PTPRD: variants seen among roughly 807,000 people sequenced by gnomAD.
The protein encoded by PTPRD is receptor-type tyrosine-protein phosphatase delta.
In PTPRD, 34 loss-of-function variants were observed where a neutral mutation model predicts 214.5. That is an observed-to-expected ratio of 0.16 (90% CI 0.12 to 0.21). PTPRD has a LOEUF of 0.21. Ranked by LOEUF, PTPRD falls within the 10% of genes least tolerant of loss-of-function variation. PTPRD has a pLI of 1.00. For missense variants in PTPRD, 2,545 were observed against 2,398.7 expected (o/e 1.06, Z -1.27); for synonymous variants, 1,128 against 845.7 (o/e 1.33, Z -5.79).
intron 36 of PTPRD, among the ~76,000 whole-genome samples, chr9:8,392,102 G>A (rs888146791): frequency 3.9e-5 from 6 of 152,022 alleles, no homozygotes; most frequent in Admixed American, 2.6e-4. Flanking sequence ...TTTAGGAATT[G>A]GGCAAAGTGT....
At chr9:10,066,014 G>T (rs1273130014) in intron 3 of PTPRD, among the ~76,000 whole-genome samples, 1 of 151,872 alleles carries the variant, frequency 6.6e-6, no homozygotes, top group African/African-American at 2.4e-5. Flanking sequence ...CAAATGTTCA[G>T]ATTATTTGAT....
At chr9:10,316,789 T>C (rs2096446017) in intron 3 of PTPRD, among the ~76,000 whole-genome samples, 2 of 152,060 alleles carry the variant, frequency 1.3e-5, no homozygotes, top group Non-Finnish European at 2.9e-5. Flanking sequence ...GATTTTAGCA[T>C]TGCAGCCAGA....
intron 10 of PTPRD, among the ~76,000 whole-genome samples, chr9:9,116,711 AT>A (rs140942739): frequency 0.031 from 4,700 of 152,086 alleles, 187 homozygotes; most frequent in African/African-American, 0.094. Context: ...AGAGATGGTT[AT>A]TTTCAAGCAA....
chr9:8,781,972 CT>C (rs553367928), intron 11 of PTPRD, among the ~76,000 whole-genome samples: 6,417 of 144,704 alleles, frequency 0.044, 304 homozygotes, highest in African/African-American at 0.11. Context: ...TCCTCAATTT[CT>C]TTTTTTTTTT....
intron 10 of PTPRD, among the ~76,000 whole-genome samples, chr9:9,141,265 A>G (rs2099859986): frequency 7.4e-6 from 1 of 135,760 alleles, no homozygotes. Flanking sequence ...GGGGAAGACT[A>G]TTCCCCTGAG....
intron 2 of PTPRD, among the ~76,000 whole-genome samples, chr9:10,412,291 T>C (rs879154790): frequency 1.3e-5 from 2 of 151,772 alleles, no homozygotes; most frequent in Admixed American, 6.6e-5. Flanking sequence ...AACATCTCTA[T>C]GCACACAAAA....
chr9:9,456,416 A>G (rs1001333308), intron 8 of PTPRD, among the ~76,000 whole-genome samples: 3 of 151,856 alleles, frequency 2.0e-5, no homozygotes, highest in Non-Finnish European at 4.4e-5. Context: ...ATTCCTCCCA[A>G]TAAGTTGGTA....
intron 14 of PTPRD, among the ~76,000 whole-genome samples, chr9:8,533,671 G>A (rs2076251048): frequency 6.6e-6 from 1 of 151,916 alleles, no homozygotes; most frequent in Admixed American, 6.6e-5. Context: ...CCCAAATAGT[G>A]TTATCAATAA....
Position 8,486,353 on chromosome 9 carries a change from G to A in PTPRD, c.2468-4C>T, listed in dbSNP as rs2097009337. ...ACAAGCCGAGGTTTCCCTGGAACTG[G>A]AGCACATGGGATGGAGTGGTAAGAC... is the stretch of plus-strand genomic sequence containing the variant. On this transcript the variant is annotated splice_region_variant and splice_polypyrimidine_tract_variant and intron_variant, in intron 27 of 45. Coordinates refer to ENST00000381196, the MANE Select transcript of PTPRD (RefSeq NM_002839.4). The A allele has an allele frequency of 6.2e-7, 1 of 1,612,984 alleles. No individual in the cohort carries two copies. Among genetic ancestry groups the A allele is most frequent in the Non-Finnish European group, 8.5e-7 (1 of 1,179,008 alleles).
At chr9:9,947,649 T>C (rs2092962617) in intron 4 of PTPRD, among the ~76,000 whole-genome samples, 1 of 101,980 alleles carries the variant, frequency 9.8e-6, no homozygotes, top group Non-Finnish European at 1.9e-5. Flanking sequence ...TATATATATA[T>C]ATACACCATG....
chr9:10,162,365 T>C (rs867974883), intron 3 of PTPRD, among the ~76,000 whole-genome samples: 2 of 151,308 alleles, frequency 1.3e-5, no homozygotes, highest in African/African-American at 4.8e-5. Flanking sequence ...TATTCAGCCA[T>C]AAAAAGAACA....
chr9:10,223,808 T>C lies in PTPRD; in HGVS notation c.-545+117155A>G, dbSNP rs543786131. Reference sequence around the variant, plus strand: ...GAAAATTGTAATTTATTTCTAATAATAGCTTCCATATACACAAAACATGCT... The same window carrying C: ...GAAAATTGTAATTTATTTCTAATAACAGCTTCCATATACACAAAACATGCT... On this transcript the variant is annotated intron_variant, in intron 3 of 45. Transcript: ENST00000381196. Among the ~76,000 whole-genome samples, 4 of 151,236 alleles carry C rather than the reference T, an allele frequency of 2.6e-5. No individual in the cohort carries two copies. The East Asian group carries it at 7.8e-4, about 29-fold the overall frequency.
At chr9:9,441,101 T>G (rs759279765) in intron 8 of PTPRD, among the ~76,000 whole-genome samples, 10 of 152,310 alleles carry the variant, frequency 6.6e-5, no homozygotes, top group Non-Finnish European at 1.2e-4. Context: ...ATGGTTCATC[T>G]TACCTTGGAA....
chr9:10,208,133 G>T (rs758822809), intron 3 of PTPRD, among the ~76,000 whole-genome samples: 3 of 152,182 alleles, frequency 2.0e-5, no homozygotes, highest in Non-Finnish European at 4.4e-5. Context: ...GGACTTTGCT[G>T]TTAAAGTCTT....
At position 10,220,059 on chromosome 9, in the gene PTPRD, A is replaced by G. The variant is rs1267368099; in HGVS notation, c.-545+120904T>C. On this transcript the variant is annotated intron_variant, in intron 3 of 45. Transcript: ENST00000381196. ...ACACAGAATAACTGGTTGGAAAATAATTTTACATATTTTATACCTATTAAC... is the reference window on the plus strand; with the variant it reads ...ACACAGAATAACTGGTTGGAAAATAGTTTTACATATTTTATACCTATTAAC... Among the ~76,000 whole-genome samples, 57 of 151,864 alleles carry G rather than the reference A, an allele frequency of 3.8e-4. No individual in the cohort carries two copies. The Admixed American group carries it at 3.8e-3, about 10-fold the overall frequency.
At chr9:10,322,714 G>T (rs958647186) in intron 3 of PTPRD, among the ~76,000 whole-genome samples, 1 of 152,004 alleles carries the variant, frequency 6.6e-6, no homozygotes, top group South Asian at 2.1e-4. Context: ...TTGCACATTG[G>T]TACCAATTGG....
At chr9:9,977,504 G>A (rs900582173) in intron 4 of PTPRD, among the ~76,000 whole-genome samples, 4 of 152,094 alleles carry the variant, frequency 2.6e-5, no homozygotes, top group African/African-American at 7.2e-5. Context: ...ATCATAAGTA[G>A]CATGTAATTA....
chr9:8,960,954 G>A (rs1414137070), intron 11 of PTPRD, among the ~76,000 whole-genome samples: 1 of 151,992 alleles, frequency 6.6e-6, no homozygotes, highest in Non-Finnish European at 1.5e-5. Flanking sequence ...TTGTTCCTGG[G>A]ATTGCAATAC....
intron 10 of PTPRD, among the ~76,000 whole-genome samples, chr9:9,083,241 A>T (rs2099761862): frequency 6.6e-6 from 1 of 152,186 alleles, no homozygotes; most frequent in Non-Finnish European, 1.5e-5. Context: ...CCGCAGAAAT[A>T]ACACCACACA....
Sources: allele counts gnomAD v4.1 joint callset (sites outside exome capture counted in the v4.1 genomes callset), GRCh38; gene constraint gnomAD v4.1.1; transcripts MANE v1.5; gene names NCBI Gene and HGNC (gene_info 2026-07-23, HGNC 2026-07-21).